SGK1: variants seen among roughly 807,000 people sequenced by gnomAD.
SGK1 encodes the protein serine/threonine-protein kinase Sgk1.
SGK1 carries 26 observed loss-of-function variants against 64.2 expected under a neutral mutation model. That is an observed-to-expected ratio of 0.40 (90% CI 0.30 to 0.56). The LOEUF (loss-of-function observed/expected upper bound fraction) is 0.56, where lower values mean the gene tolerates loss of function less well. Among genes scored for constraint, SGK1 ranks in the 20% least tolerant of loss-of-function variants. The pLI is 0.38. For missense variants in SGK1, 519 were observed against 645.6 expected, an observed-to-expected ratio of 0.80 and a Z score of 2.12; for synonymous variants, 265 against 239.7, an observed-to-expected ratio of 1.11 and a Z score of -0.98.
At chr6:134,173,435 C>T (rs1186597409) in intron 6 of SGK1, 27 bp downstream of exon 6, 5 of 1,586,270 alleles carry the variant, frequency 3.2e-6, no homozygotes, top group Admixed American at 1.7e-5. Flanking sequence ...AGGAAGTGTA[C>T]CAAAAGATCT....
At chr6:134,209,255 G>A (rs1775845552) in intron 2 of SGK1, among the ~76,000 whole-genome samples, 1 of 152,040 alleles carries the variant, frequency 6.6e-6, no homozygotes, top group Non-Finnish European at 1.5e-5. Flanking sequence ...CCAACATGCT[G>A]AAATCCCGTC....
intron 2 of SGK1, among the ~76,000 whole-genome samples, chr6:134,211,909 A>C (rs1383557897): frequency 1.3e-5 from 2 of 148,268 alleles, no homozygotes; most frequent in Admixed American, 1.4e-4. Context: ...AATCCCTCCT[A>C]CCTGACTAAG....
intron 1 of SGK1, among the ~76,000 whole-genome samples, chr6:134,272,587 AC>A (rs1376845891): frequency 6.8e-6 from 1 of 146,958 alleles, no homozygotes. Flanking sequence ...CATCCTCTTT[AC>A]ACCCACAAAC....
intron 2 of SGK1, among the ~76,000 whole-genome samples, chr6:134,216,389 C>A (rs1362004362): frequency 6.6e-6 from 1 of 152,188 alleles, no homozygotes; most frequent in Admixed American, 6.6e-5. Flanking sequence ...GAAGTGAAAG[C>A]TTGCTTCTCA....
At chr6:134,203,035 AGAGATC>A (rs1441625763) in intron 3 of SGK1, among the ~76,000 whole-genome samples, 1 of 151,990 alleles carries the variant, frequency 6.6e-6, no homozygotes, top group Non-Finnish European at 1.5e-5. Context: ...CTTGAGGTCA[AGAGATC>A]GAGGCCAGCC....
intron 3 of SGK1, among the ~76,000 whole-genome samples, chr6:134,205,392 G>A (rs1775753315): frequency 1.3e-5 from 2 of 150,928 alleles, no homozygotes; most frequent in South Asian, 4.2e-4. Flanking sequence ...TTTGACAGAT[G>A]AAATTGATAA....
chr6:134,293,848 A>G (rs542414277), intron 1 of SGK1, among the ~76,000 whole-genome samples: 1 of 152,314 alleles, frequency 6.6e-6, no homozygotes, highest in East Asian at 1.9e-4. Context: ...ATGCAGACAA[A>G]TGGAAAGATA....
At chr6:134,186,041 A>G (rs1775418502) in intron 3 of SGK1, among the ~76,000 whole-genome samples, 1 of 152,028 alleles carries the variant, frequency 6.6e-6, no homozygotes, top group Non-Finnish European at 1.5e-5. Flanking sequence ...CTTTGGAGGC[A>G]CCCTTAAGGC....
intron 1 of SGK1, among the ~76,000 whole-genome samples, chr6:134,263,927 TA>T (rs1297626128): frequency 6.6e-6 from 1 of 151,916 alleles, no homozygotes; most frequent in African/African-American, 2.4e-5. Context: ...AAATGAAGAA[TA>T]AAAAATTAAT....
chr6:134,204,714 CG>C (rs888524863), intron 3 of SGK1, among the ~76,000 whole-genome samples: 38 of 151,998 alleles, frequency 2.5e-4, no homozygotes, highest in African/African-American at 8.9e-4. Flanking sequence ...CCACACCTCC[CG>C]GCTAATTTGT....
chr6:134,310,169 C>G (rs1341206481), intron 1 of SGK1, among the ~76,000 whole-genome samples: 1 of 151,926 alleles, frequency 6.6e-6, no homozygotes, highest in African/African-American at 2.4e-5. Context: ...ATATCTCTTA[C>G]TCCAGTGTTA....
chr6:134,244,142 G>A (rs563522249), intron 2 of SGK1, among the ~76,000 whole-genome samples: 140 of 151,682 alleles, frequency 9.2e-4, no homozygotes, highest in Middle Eastern at 3.4e-3. Flanking sequence ...CCCCTGACAG[G>A]CCCTGGTGTG....
Position 134,170,992 on chromosome 6 carries a change from C to CG in SGK1, c.1323+30dup, listed in dbSNP as rs777126637. ...AGGGAGGTCTAGTGCACGTCCCGGC[C>CG]GGCCCAGGAGGACAGGAAAACATCA... On this transcript the variant is annotated intron_variant, in intron 12 of 13. Transcript: ENST00000367858. The CG allele has an allele frequency of 1.4e-5, 22 of 1,613,482 alleles. No homozygotes were observed. The South Asian group carries it at 2.2e-4, about 16-fold the overall frequency.
rs773107671 is a variant in SGK1, at chr6:134,286,143, G to A, written c.70-23995C>T. 2.0e-5 allele frequency among the ~76,000 whole-genome samples: 3 copies of A among 152,194 alleles called. 1 individual carries two copies. The highest frequency in any genetic ancestry group is 2.9e-5 in the Non-Finnish European group (2 of 68,044). On this transcript the variant is annotated intron_variant, in intron 1 of 13. Transcript: ENST00000367858. ...TATTTTAATCTATTTATATACAGGT[G>A]GTGGAGGTTTAGTATGTATAAAATT... is the stretch of plus-strand genomic sequence containing the variant.
chr6:134,253,274 G>A (rs1261448813), intron 2 of SGK1, among the ~76,000 whole-genome samples: 3 of 151,952 alleles, frequency 2.0e-5, no homozygotes, highest in Non-Finnish European at 2.9e-5. Context: ...TTGAGCTCAG[G>A]AGTTCGTCTT....
intron 10 of SGK1, 133 bp from the exon 11 acceptor site, chr6:134,171,865 A>G (rs1477699139): frequency 1.5e-6 from 1 of 663,196 alleles, no homozygotes; most frequent in Non-Finnish European, 2.6e-6. Context: ...TTCCTTCCTG[A>G]TAAAACTGCT....
intron 2 of SGK1, among the ~76,000 whole-genome samples, chr6:134,220,014 C>T (rs1486235263): frequency 7.6e-6 from 1 of 130,886 alleles, no homozygotes; most frequent in Non-Finnish European, 1.6e-5. Flanking sequence ...AGCCGAGATC[C>T]CGCCACTGCA....
intron 1 of SGK1, chr6:134,296,912 C>T (rs1383056387): frequency 6.0e-6 from 2 of 333,786 alleles, no homozygotes; most frequent in Non-Finnish European, 1.2e-5. Flanking sequence ...CTCCTGTTCC[C>T]TGTCCTACCC....
At chr6:134,231,851 C>A (rs559741698) in intron 2 of SGK1, among the ~76,000 whole-genome samples, 6 of 151,960 alleles carry the variant, frequency 3.9e-5, no homozygotes, top group Non-Finnish European at 5.9e-5. Context: ...ACCAGCCTGG[C>A]CAACATGGTG....
Sources: gnomAD v4.1 joint callset for allele counts (sites outside exome capture counted in the v4.1 genomes callset) on GRCh38, gnomAD v4.1.1 for gene constraint, MANE v1.5 for transcripts, NCBI Gene and HGNC (gene_info 2026-07-23, HGNC 2026-07-21) for gene names.